Variants in ITPR2 observed in about 807,000 individuals in gnomAD.
ITPR2 encodes inositol 1,4,5-trisphosphate-gated calcium channel ITPR2.
In ITPR2, 207 loss-of-function variants were observed where a neutral mutation model predicts 317.1. The ratio of observed to expected loss-of-function variants is 0.65; its 90% CI spans 0.58 to 0.73. The LOEUF (loss-of-function observed/expected upper bound fraction) is 0.73. Ranked by LOEUF, ITPR2 falls within the 30% of genes least tolerant of loss-of-function variation. The pLI is 0.00. For missense variants in ITPR2, 2,613 were observed against 3,284.0 expected, an observed-to-expected ratio of 0.80 and a Z score of 4.99; for synonymous variants, 1,156 against 1,149.1, an observed-to-expected ratio of 1.01 and a Z score of -0.12.
intron 37 of ITPR2, among the ~76,000 whole-genome samples, chr12:26,507,867 G>C (rs1450925501): frequency 3.7e-3 from 533 of 143,934 alleles, no homozygotes; most frequent in African/African-American, 0.014. Flanking sequence ...CTGTCTCTGT[G>C]TGTGTGTGTG....
chr12:26,730,665 T>A (rs968467876), intron 2 of ITPR2, among the ~76,000 whole-genome samples: 10 of 152,230 alleles, frequency 6.6e-5, no homozygotes, highest in Non-Finnish European at 1.2e-4. Context: ...GACAATATTA[T>A]AAGAACAATG....
intron 45 of ITPR2, among the ~76,000 whole-genome samples, chr12:26,470,678 T>G (rs1413227461): frequency 6.6e-6 from 1 of 152,224 alleles, no homozygotes; most frequent in Admixed American, 6.5e-5. Context: ...GCCAATATTT[T>G]TTTAAATGGT....
At chr12:26,752,594 T>C (rs1157344961) in intron 2 of ITPR2, among the ~76,000 whole-genome samples, 1 of 152,220 alleles carries the variant, frequency 6.6e-6, no homozygotes, top group African/African-American at 2.4e-5. Flanking sequence ...TTGTTTAGCA[T>C]ATGATCAAGA....
chr12:26,601,964 C>T (rs1442013984), intron 28 of ITPR2, among the ~76,000 whole-genome samples: 1 of 152,224 alleles, frequency 6.6e-6, no homozygotes, highest in African/African-American at 2.4e-5. Context: ...CATTAAAGGA[C>T]ATCCTTCAAA....
intron 34 of ITPR2, 51 bp from the exon 35 acceptor site, chr12:26,562,003 T>G: frequency 1.6e-6 from 2 of 1,260,634 alleles, no homozygotes; most frequent in Non-Finnish European, 2.1e-6. Flanking sequence ...CTAAAGTTTC[T>G]TACATATTAT....
chr12:26,481,705 C>T lies in ITPR2; in HGVS notation c.6013-464G>A, dbSNP rs548712572. Among the ~76,000 whole-genome samples, 7 of 152,256 alleles carry T rather than the reference C, an allele frequency of 4.6e-5. No homozygotes were observed. The East Asian group carries it at 1.3e-3, about 29-fold the overall frequency. On this transcript the variant is annotated intron_variant, in intron 42 of 56. Transcript: ENST00000381340. Reference sequence around the variant, plus strand: ...TGGTACCAATGAAGCATTTTAATTTCGTTGCTACTTAATGCTAAACTGATG... The same window carrying T: ...TGGTACCAATGAAGCATTTTAATTTTGTTGCTACTTAATGCTAAACTGATG...
At chr12:26,781,317 A>G (rs1357165740) in intron 2 of ITPR2, among the ~76,000 whole-genome samples, 1 of 152,230 alleles carries the variant, frequency 6.6e-6, no homozygotes, top group Non-Finnish European at 1.5e-5. Flanking sequence ...CTGTGTCATG[A>G]TTATTTCCTC....
At chr12:26,402,211 G>C (rs1360750633) in intron 52 of ITPR2, among the ~76,000 whole-genome samples, 3 of 152,182 alleles carry the variant, frequency 2.0e-5, no homozygotes, top group South Asian at 2.1e-4. Context: ...AAAACAGTCA[G>C]AAATGTGTAA....
chr12:26,691,423 A>C (rs1948238592), intron 10 of ITPR2, among the ~76,000 whole-genome samples: 1 of 152,194 alleles, frequency 6.6e-6, no homozygotes, highest in African/African-American at 2.4e-5. Flanking sequence ...GACAGAACTT[A>C]AACAGGTATT....
At chr12:26,604,879 A>ATGT (rs1946086128) in intron 26 of ITPR2, among the ~76,000 whole-genome samples, 1 of 152,066 alleles carries the variant, frequency 6.6e-6, no homozygotes, top group South Asian at 2.1e-4. Flanking sequence ...GTGGATCACA[A>ATGT]GGTCAGGAGT....
intron 1 of ITPR2, among the ~76,000 whole-genome samples, chr12:26,824,427 T>G: frequency 6.6e-6 from 1 of 152,122 alleles, no homozygotes; most frequent in East Asian, 1.9e-4. Context: ...AGACAAACAT[T>G]TTTTCCACAA....
chr12:26,560,348 C>G (rs912924048), intron 35 of ITPR2, among the ~76,000 whole-genome samples: 9 of 152,052 alleles, frequency 5.9e-5, no homozygotes, highest in African/African-American at 2.2e-4. Context: ...CAACCACTAT[C>G]CTTGCTCCAA....
intron 1 of ITPR2, among the ~76,000 whole-genome samples, chr12:26,796,354 TA>T (rs1271060763): frequency 6.6e-6 from 1 of 152,156 alleles, no homozygotes; most frequent in African/African-American, 2.4e-5. Flanking sequence ...AGAAGTCCGA[TA>T]AAATGTTCAA....
chr12:26,461,154 T>C (rs961050412), intron 45 of ITPR2, among the ~76,000 whole-genome samples: 4 of 152,182 alleles, frequency 2.6e-5, no homozygotes, highest in African/African-American at 9.7e-5. Flanking sequence ...TCTACATGTA[T>C]GTCACTCTGT....
chr12:26,753,077 G>T (rs959427272), intron 2 of ITPR2, among the ~76,000 whole-genome samples: 1 of 152,134 alleles, frequency 6.6e-6, no homozygotes, highest in Non-Finnish European at 1.5e-5. Flanking sequence ...GCTGGGTAAC[G>T]AATGGGATTG....
At chr12:26,802,553 ATATATC>A (rs1950573352) in intron 1 of ITPR2, among the ~76,000 whole-genome samples, 1 of 138,336 alleles carries the variant, frequency 7.2e-6, no homozygotes, top group South Asian at 2.3e-4. Flanking sequence ...GGAGATATAT[ATATATC>A]TATATATAGA....
At chr12:26,561,682 C>T in intron 35 of ITPR2, 80 bp downstream of exon 35, 1 of 1,171,292 alleles carries the variant, frequency 8.5e-7, no homozygotes, top group Non-Finnish European at 1.2e-6. Context: ...ATATTTTAAA[C>T]CATATTTTAT....
chr12:26,399,277 G>T (rs1940096743), intron 53 of ITPR2, among the ~76,000 whole-genome samples: 1 of 152,166 alleles, frequency 6.6e-6, no homozygotes, highest in Non-Finnish European at 1.5e-5. Context: ...ACAATGGTGG[G>T]ACTTCACTTT....
intron 32 of ITPR2, among the ~76,000 whole-genome samples, chr12:26,588,818 G>C (rs1945607354): frequency 6.6e-6 from 1 of 152,206 alleles, no homozygotes; most frequent in South Asian, 2.1e-4. Context: ...AGAGTTAGGT[G>C]AGCCTCCTAA....
Sources: gnomAD v4.1 joint callset for allele counts (sites outside exome capture counted in the v4.1 genomes callset) on GRCh38, gnomAD v4.1.1 for gene constraint, MANE v1.5 for transcripts, NCBI Gene and HGNC (gene_info 2026-07-23, HGNC 2026-07-21) for gene names.